The following BNC2 variants were observed in gnomAD, a reference collection of about 807,000 sequenced individuals.
BNC2 encodes the protein zinc finger protein basonuclin-2.
A neutral mutation model predicts 76.3 loss-of-function variants in BNC2; 20 were observed. The observed-to-expected ratio is 0.26, with a 90% CI of 0.18 to 0.38. The LOEUF (loss-of-function observed/expected upper bound fraction) is 0.38. BNC2 is among the 10% of genes least tolerant of loss of function. BNC2 has a pLI of 1.00. For missense variants in BNC2, 1,382 were observed against 1,399.8 expected (o/e 0.99, Z 0.20); for synonymous variants, 582 against 514.8 (o/e 1.13, Z -1.77).
chr9:16,480,308 T>C (rs1032554659), intron 5 of BNC2, among the ~76,000 whole-genome samples: 1 of 152,158 alleles, frequency 6.6e-6, no homozygotes, highest in African/African-American at 2.4e-5. Context: ...CCCAATCTGT[T>C]AAATCATTAC....
At chr9:16,758,608 C>A (rs756041015) in intron 1 of BNC2, among the ~76,000 whole-genome samples, 1 of 152,166 alleles carries the variant, frequency 6.6e-6, no homozygotes, top group Non-Finnish European at 1.5e-5. Context: ...AGATTACGGG[C>A]ATGAGCCACA....
intron 1 of BNC2, among the ~76,000 whole-genome samples, chr9:16,759,734 T>C (rs1193044542): frequency 6.6e-6 from 1 of 151,900 alleles, no homozygotes; most frequent in Non-Finnish European, 1.5e-5. Flanking sequence ...TATTTTTTTT[T>C]TTTTTTTGAC....
chr9:16,523,653 C>T (rs1055506554), intron 5 of BNC2, among the ~76,000 whole-genome samples: 6 of 152,048 alleles, frequency 3.9e-5, no homozygotes, highest in East Asian at 1.9e-4. Flanking sequence ...TTTGGCCCAG[C>T]GCGGTGGCTC....
intron 1 of BNC2, among the ~76,000 whole-genome samples, chr9:16,755,896 C>G (rs544813065): frequency 1.3e-5 from 2 of 152,318 alleles, no homozygotes; most frequent in Non-Finnish European, 2.9e-5. Context: ...CATTGTGAAT[C>G]TGAGTCCTTA....
chr9:16,776,388 C>T (rs1387450470), intron 1 of BNC2, among the ~76,000 whole-genome samples: 2 of 152,150 alleles, frequency 1.3e-5, no homozygotes, highest in Non-Finnish European at 2.9e-5. Flanking sequence ...AAGCTGCCCA[C>T]CTCAGCCTCC....
intron 1 of BNC2, among the ~76,000 whole-genome samples, chr9:16,827,402 G>A (rs1818478312): frequency 6.6e-6 from 1 of 152,184 alleles, no homozygotes; most frequent in Non-Finnish European, 1.5e-5. Context: ...GGGACCCACT[G>A]AACAGGAATT....
chr9:16,787,666 G>T (rs1017337017), intron 1 of BNC2, among the ~76,000 whole-genome samples: 1 of 152,120 alleles, frequency 6.6e-6, no homozygotes, highest in Non-Finnish European at 1.5e-5. Context: ...TAACTACTCT[G>T]GCCACCGCTT....
At chr9:16,734,177 C>A (rs2135069763) in intron 2 of BNC2, among the ~76,000 whole-genome samples, 1 of 152,204 alleles carries the variant, frequency 6.6e-6, no homozygotes, top group Non-Finnish European at 1.5e-5. Flanking sequence ...CCTTTAATTC[C>A]GATTAACATG....
chr9:16,515,575 G>A (rs1329856611), intron 5 of BNC2, among the ~76,000 whole-genome samples: 1 of 151,918 alleles, frequency 6.6e-6, no homozygotes, highest in Non-Finnish European at 1.5e-5. Context: ...GTGAGGACTC[G>A]GAGGTGTCTG....
chr9:16,836,572 C>T (rs1052402160), intron 1 of BNC2, among the ~76,000 whole-genome samples: 3 of 151,560 alleles, frequency 2.0e-5, no homozygotes, highest in African/African-American at 7.3e-5. Flanking sequence ...TTAATGTCTC[C>T]TTGATTCTTA....
chr9:16,865,342 T>TTAA (rs1303888671), intron 1 of BNC2, among the ~76,000 whole-genome samples: 14 of 152,302 alleles, frequency 9.2e-5, no homozygotes, highest in African/African-American at 3.4e-4. Context: ...ATACTCATCT[T>TTAA]ATTAGAGTTT....
At chr9:16,593,487 A>G (rs1173278824) in intron 3 of BNC2, among the ~76,000 whole-genome samples, 1 of 152,008 alleles carries the variant, frequency 6.6e-6, no homozygotes, top group Non-Finnish European at 1.5e-5. Flanking sequence ...TAAGGAAAAT[A>G]CCCATGCTTC....
rs980341745 is a variant in BNC2, at chr9:16,822,939, G to C, written c.3+47707C>G. Reference sequence around the variant, plus strand: ...ATGAATTGAACTTAATATTATTTAGGAAGTGCCCCCTTCAAATTACTGTAA... The same window carrying C: ...ATGAATTGAACTTAATATTATTTAGCAAGTGCCCCCTTCAAATTACTGTAA... On this transcript the variant is annotated intron_variant, in intron 1 of 6. Coordinates refer to ENST00000380672, the MANE Select transcript of BNC2 (RefSeq NM_017637.6). 5.9e-5 allele frequency among the ~76,000 whole-genome samples: 9 copies of C among 152,038 alleles called. No individual in the cohort carries two copies. In the South Asian group the frequency reaches 6.2e-4, roughly 11 times the overall value.
At chr9:16,589,793 C>T (rs1347729136) in intron 3 of BNC2, among the ~76,000 whole-genome samples, 3 of 152,130 alleles carry the variant, frequency 2.0e-5, no homozygotes, top group Admixed American at 6.5e-5. Flanking sequence ...CAGGCGTAAG[C>T]CACGGTGCCT....
intron 5 of BNC2, among the ~76,000 whole-genome samples, chr9:16,537,536 T>C: frequency 6.6e-6 from 1 of 152,062 alleles, no homozygotes; most frequent in African/African-American, 2.4e-5. Flanking sequence ...TGTAGAAAAA[T>C]AATGCTTACC....
At chr9:16,428,371 G>T (rs1294791959) in intron 6 of BNC2, among the ~76,000 whole-genome samples, 2 of 152,118 alleles carry the variant, frequency 1.3e-5, no homozygotes, top group East Asian at 3.9e-4. Flanking sequence ...TGTGGTTCTT[G>T]GTGCCCAAAT....
intron 1 of BNC2, among the ~76,000 whole-genome samples, chr9:16,852,308 A>C (rs777833910): frequency 6.6e-6 from 1 of 152,196 alleles, no homozygotes; most frequent in Non-Finnish European, 1.5e-5. Context: ...TGATTTCTGC[A>C]TACCCCTTGA....
chr9:16,460,625 A>C (rs936992185), intron 5 of BNC2, among the ~76,000 whole-genome samples: 3 of 152,104 alleles, frequency 2.0e-5, no homozygotes. Context: ...TCTATCAAAA[A>C]ACCCAAACCA....
chr9:16,810,478 A>G (rs1321951237), intron 1 of BNC2, among the ~76,000 whole-genome samples: 4 of 152,214 alleles, frequency 2.6e-5, no homozygotes, highest in East Asian at 3.8e-4. Context: ...GACAATGACA[A>G]TGAGTCTGTG....
Sources: gnomAD v4.1 joint callset for allele counts (sites outside exome capture counted in the v4.1 genomes callset) on GRCh38, gnomAD v4.1.1 for gene constraint, MANE v1.5 for transcripts, NCBI Gene and HGNC (gene_info 2026-07-23, HGNC 2026-07-21) for gene names.